Variants in LRRC4C observed in about 807,000 individuals in gnomAD.
The protein encoded by LRRC4C is leucine rich repeat containing 4C.
Under a neutral mutation model 33.6 loss-of-function variants are expected in LRRC4C, and 5 were observed. The ratio of observed to expected loss-of-function variants is 0.15; its 90% CI spans 0.08 to 0.31. LRRC4C has a LOEUF of 0.31. Ranked by LOEUF, LRRC4C falls within the 10% of genes least tolerant of loss-of-function variation. The pLI is 1.00. For synonymous variants in LRRC4C, 329 were observed against 302.0 expected (o/e 1.09, Z -0.93); for missense variants, 560 against 796.7 (o/e 0.70, Z 3.58).
intron 3 of LRRC4C, among the ~76,000 whole-genome samples, chr11:40,492,438 T>C (rs1292455310): frequency 1.3e-5 from 2 of 152,142 alleles, no homozygotes; most frequent in Admixed American, 1.3e-4. Flanking sequence ...TGGAGTAATG[T>C]TTTATTTTCA....
chr11:40,188,628 G>A (rs1861593915), intron 5 of LRRC4C, among the ~76,000 whole-genome samples: 1 of 152,130 alleles, frequency 6.6e-6, no homozygotes, highest in Admixed American at 6.5e-5. Flanking sequence ...GTTCAAAACT[G>A]GTGCAGAAGG....
chr11:41,018,489 A>C (rs1590252851), intron 1 of LRRC4C, among the ~76,000 whole-genome samples: 1 of 152,284 alleles, frequency 6.6e-6, no homozygotes, highest in East Asian at 1.9e-4. Flanking sequence ...TCGTAATAGG[A>C]CAGTGGGACT....
At chr11:40,390,908 G>A (rs146735592) in intron 3 of LRRC4C, among the ~76,000 whole-genome samples, 2 of 152,144 alleles carry the variant, frequency 1.3e-5, no homozygotes, top group African/African-American at 2.4e-5. Flanking sequence ...TTGAGACAGA[G>A]TGTTGCTCTG....
chr11:41,025,864 C>T lies in LRRC4C; in HGVS notation c.-495-92141G>A, dbSNP rs117616153. On this transcript the variant is annotated intron_variant, in intron 1 of 6. Transcript: ENST00000528697. Reference sequence around the variant, plus strand: ...TGTTCTATAAATGGAACCACATAGTCTGGAAGATAGCATATCTGTTTACAG... The same window carrying T: ...TGTTCTATAAATGGAACCACATAGTTTGGAAGATAGCATATCTGTTTACAG... Among the ~76,000 whole-genome samples the T allele has an allele frequency of 9.5e-3, 1,445 of 151,792 alleles. 8 individuals carry two copies. The highest frequency in any genetic ancestry group is 0.031 in the Middle Eastern group (9 of 294).
chr11:40,814,748 T>C (rs1951637218), intron 2 of LRRC4C, among the ~76,000 whole-genome samples: 1 of 151,856 alleles, frequency 6.6e-6, no homozygotes, highest in Non-Finnish European at 1.5e-5. Context: ...GTTTTACAAA[T>C]CTCTAGGGCA....
rs1415956868 is a variant in LRRC4C at position 41,000,476 on chromosome 11, G to C, written c.-495-66753C>G. 2.0e-5 allele frequency among the ~76,000 whole-genome samples: 3 copies of C among 152,290 alleles called. No homozygotes were observed. In the East Asian group the frequency reaches 5.8e-4, roughly 29 times the overall value. On this transcript the variant is annotated intron_variant, in intron 1 of 6. Transcript: ENST00000528697. ...CGGTATATTCTCTCTGCATGGGCAT[G>C]TGTGTGTATGTGTGTGCTTGTATAT...
chr11:41,071,688 T>A (rs1006209357), intron 1 of LRRC4C, among the ~76,000 whole-genome samples: 6 of 152,172 alleles, frequency 3.9e-5, no homozygotes, highest in Admixed American at 3.9e-4. Flanking sequence ...AAGAAACAAT[T>A]TTGACTTTCA....
intron 2 of LRRC4C, among the ~76,000 whole-genome samples, chr11:40,932,724 T>C (rs1473044458): frequency 6.6e-6 from 1 of 152,164 alleles, no homozygotes; most frequent in African/African-American, 2.4e-5. Context: ...CCTCATCTTT[T>C]TTTAAAAGAG....
intron 1 of LRRC4C, among the ~76,000 whole-genome samples, chr11:41,039,427 C>T (rs542222653): frequency 6.6e-6 from 1 of 152,184 alleles, no homozygotes; most frequent in South Asian, 2.1e-4. Context: ...AGAGCGAGGC[C>T]TAAGATTTTG....
chr11:40,124,942 C>G (rs1396398346), intron 6 of LRRC4C, among the ~76,000 whole-genome samples: 1 of 151,182 alleles, frequency 6.6e-6, no homozygotes, highest in Non-Finnish European at 1.5e-5. Flanking sequence ...TACTATGTAC[C>G]CACAATAATT....
intron 1 of LRRC4C, among the ~76,000 whole-genome samples, chr11:41,194,865 T>C (rs190194084): frequency 7.9e-5 from 12 of 152,222 alleles, no homozygotes; most frequent in Admixed American, 5.9e-4. Flanking sequence ...AATAGATAAA[T>C]AATACCAGAT....
intron 2 of LRRC4C, among the ~76,000 whole-genome samples, chr11:40,782,301 G>T (rs1369079409): frequency 1.3e-5 from 2 of 152,098 alleles, no homozygotes; most frequent in Non-Finnish European, 2.9e-5. Flanking sequence ...CCGTCCTGAT[G>T]CAGTGCCTAA....
chr11:40,320,335 T>C (rs1945781687), intron 3 of LRRC4C, among the ~76,000 whole-genome samples: 1 of 151,766 alleles, frequency 6.6e-6, no homozygotes, highest in African/African-American at 2.4e-5. Context: ...GAAACCCCAT[T>C]TCCACTAAAA....
chr11:41,043,100 G>A (rs1331526566), intron 1 of LRRC4C, among the ~76,000 whole-genome samples: 3 of 127,180 alleles, frequency 2.4e-5, no homozygotes, highest in East Asian at 2.3e-4. Flanking sequence ...TTTGCATGAC[G>A]AGGAAGGGAT....
Position 40,880,543 on chromosome 11 carries a change from G to GAAAA in LRRC4C, c.-407+53088_-407+53091dup, listed in dbSNP as rs201533170. 1.9e-4 allele frequency among the ~76,000 whole-genome samples: 24 copies of GAAAA among 126,032 alleles called. 1 individual carries two copies. The South Asian group carries it at 2.6e-3, about 14-fold the overall frequency. The allele number at this position is 126,032 out of a possible 152,430, so 82.7% of individuals were successfully genotyped here. A position where few individuals can be genotyped will look rare whatever the true frequency, so the allele number is the denominator to read the frequency against. On this transcript the variant is annotated intron_variant, in intron 2 of 6. Transcript: ENST00000528697. ...CCTCCACAGAATAAGATTTTTAAAT[G>GAAAA]AAAAAAAAAAAAAAACTACACAGAA...
chr11:41,432,544 C>CA (rs147156043), intron 1 of LRRC4C, among the ~76,000 whole-genome samples: 6,664 of 151,928 alleles, frequency 0.044, 494 homozygotes, highest in African/African-American at 0.15. Context: ...TCAAAGTTCT[C>CA]AAAAAACAAG....
chr11:40,979,282 T>G (rs975547029), intron 1 of LRRC4C, among the ~76,000 whole-genome samples: 18 of 152,214 alleles, frequency 1.2e-4, no homozygotes, highest in African/African-American at 4.3e-4. Flanking sequence ...TCTGTATCAT[T>G]TATTTAAACT....
intron 1 of LRRC4C, among the ~76,000 whole-genome samples, chr11:40,972,366 T>G (rs2137003609): frequency 6.6e-6 from 1 of 152,094 alleles, no homozygotes; most frequent in East Asian, 1.9e-4. Flanking sequence ...TGAACTCCTG[T>G]TCTTAAGTGA....
At chr11:40,948,163 G>T (rs894645964) in intron 1 of LRRC4C, among the ~76,000 whole-genome samples, 3 of 151,806 alleles carry the variant, frequency 2.0e-5, no homozygotes, top group African/African-American at 7.3e-5. Flanking sequence ...TATTTAATCT[G>T]AGTTGTTTAC....
Sources: allele counts gnomAD v4.1 joint callset (sites outside exome capture counted in the v4.1 genomes callset), GRCh38; gene constraint gnomAD v4.1.1; transcripts MANE v1.5; gene names NCBI Gene and HGNC (gene_info 2026-07-23, HGNC 2026-07-21).